The following SOS2 variants were observed in gnomAD, a reference collection of about 807,000 sequenced individuals.
The protein encoded by SOS2 is son of sevenless homolog 2.
SOS2 carries 65 observed loss-of-function variants against 148.2 expected under a neutral mutation model. The observed-to-expected ratio is 0.44, with a 90% CI of 0.36 to 0.54. The LOEUF is 0.54. Among genes scored for constraint, SOS2 ranks in the 20% least tolerant of loss-of-function variants. The pLI, the probability that SOS2 is intolerant of heterozygous loss-of-function variation, is 0.00. For missense variants in SOS2, 1,341 were observed against 1,590.2 expected, an observed-to-expected ratio of 0.84 and a Z score of 2.67; for synonymous variants, 539 against 537.1, an observed-to-expected ratio of 1.00 and a Z score of -0.05.
intron 4 of SOS2, among the ~76,000 whole-genome samples, chr14:50,198,366 A>AG (rs1426907989): frequency 1.3e-5 from 2 of 152,060 alleles, no homozygotes; most frequent in African/African-American, 4.8e-5. Flanking sequence ...AAAAAAAAAA[A>AG]AGTAGCCATA....
intron 1 of SOS2, among the ~76,000 whole-genome samples, chr14:50,213,998 G>A (rs886275986): frequency 6.6e-6 from 1 of 151,798 alleles, no homozygotes; most frequent in Non-Finnish European, 1.5e-5. Context: ...AGCAATATAA[G>A]CACTTTTTCT....
chr14:50,169,499 G>A lies in SOS2; in HGVS notation c.1068+4955C>T, dbSNP rs560128064. Among the ~76,000 whole-genome samples, 7 of 151,980 alleles carry A rather than the reference G, an allele frequency of 4.6e-5. No individual in the cohort carries two copies. The South Asian group carries it at 1.3e-3, about 27-fold the overall frequency. ...AAAAAAAAATAGAAAAATCAGCTGG[G>A]TGTGGTGGCGGTCACCTGTAATCTC... On this transcript the variant is annotated intron_variant, in intron 8 of 22. Coordinates refer to ENST00000216373, the MANE Select transcript of SOS2 (RefSeq NM_006939.4).
intron 1 of SOS2, among the ~76,000 whole-genome samples, chr14:50,220,017 C>A (rs552648986): frequency 6.6e-6 from 1 of 151,752 alleles, no homozygotes; most frequent in Non-Finnish European, 1.5e-5. Flanking sequence ...ACCACACCAG[C>A]TCCCATTTCT....
rs571268390 is a variant in SOS2 at position 50,156,877 on chromosome 14, T to G, written c.2057+122A>C. ...GCTGTGAAGTTAAAAATATTCCCTA[T>G]ATTTGAATTAAAAGCTGAGAGCTTT... is the stretch of plus-strand genomic sequence containing the variant. On this transcript the variant is annotated intron_variant, in intron 12 of 22. Transcript: ENST00000216373. The G allele has an allele frequency of 1.2e-5, 6 of 491,340 alleles. No homozygotes were observed. The South Asian group carries it at 2.4e-4, about 20-fold the overall frequency. The allele number at this position is 491,340 out of a possible 1,614,324, so 30.4% of individuals were successfully genotyped here. A position where few individuals can be genotyped will look rare whatever the true frequency, so the allele number is the denominator to read the frequency against.
intron 1 of SOS2, among the ~76,000 whole-genome samples, chr14:50,209,685 G>A (rs1886801658): frequency 6.6e-6 from 1 of 151,596 alleles, no homozygotes; most frequent in South Asian, 2.1e-4. Flanking sequence ...CCTGAACCCG[G>A]AGGTCGAGGC....
intron 4 of SOS2, among the ~76,000 whole-genome samples, chr14:50,196,873 C>CT (rs545859821): frequency 6.6e-6 from 1 of 151,844 alleles, no homozygotes; most frequent in South Asian, 2.1e-4. Context: ...ACAACCGGAA[C>CT]TTTTTTTTGT....
At chr14:50,169,100 T>TC (rs1885274331) in intron 8 of SOS2, among the ~76,000 whole-genome samples, 1 of 150,930 alleles carries the variant, frequency 6.6e-6, no homozygotes. Flanking sequence ...TCATTTGAGG[T>TC]CAGGAGTTTG....
intron 1 of SOS2, among the ~76,000 whole-genome samples, chr14:50,230,630 A>T (rs1390046979): frequency 6.6e-6 from 1 of 152,218 alleles, no homozygotes; most frequent in Non-Finnish European, 1.5e-5. Flanking sequence ...TCTTGTAAAC[A>T]GGTAAGACAC....
chr14:50,120,793 G>T (rs1883478270), intron 21 of SOS2, among the ~76,000 whole-genome samples: 1 of 134,436 alleles, frequency 7.4e-6, no homozygotes. Flanking sequence ...AGGCTGGAGT[G>T]CAATGGCACG....
At chr14:50,196,634 C>T (rs1381426936) in intron 4 of SOS2, among the ~76,000 whole-genome samples, 1 of 151,978 alleles carries the variant, frequency 6.6e-6, no homozygotes, top group Admixed American at 6.6e-5. Context: ...ATGTTCTCAC[C>T]ACAAAAAATA....
At chr14:50,118,969 A>C in intron 22 of SOS2, 116 bp from the exon 23 acceptor site, 1 of 582,904 alleles carries the variant, frequency 1.7e-6, no homozygotes, top group Non-Finnish European at 2.8e-6. Flanking sequence ...AAATAAACTA[A>C]TCTGGGTTAA....
chr14:50,153,286 A>C, intron 12 of SOS2, 113 bp from the exon 13 acceptor site: 1 of 595,346 alleles, frequency 1.7e-6, no homozygotes, highest in Non-Finnish European at 3.1e-6. Flanking sequence ...ATAATACTCA[A>C]AGACTCTCTA....
At chr14:50,137,158 T>G (rs1469938021) in intron 18 of SOS2, among the ~76,000 whole-genome samples, 1 of 152,192 alleles carries the variant, frequency 6.6e-6, no homozygotes, top group Non-Finnish European at 1.5e-5. Flanking sequence ...TCATTTAGCA[T>G]AAACATAATA....
chr14:50,157,872 G>A (rs2139621294), intron 11 of SOS2, among the ~76,000 whole-genome samples: 1 of 151,932 alleles, frequency 6.6e-6, no homozygotes, highest in Admixed American at 6.6e-5. Flanking sequence ...TATAATACTA[G>A]GTAAAACAAA....
rs773422408 is a variant in SOS2 at position 50,139,912 on chromosome 14, C to T, written c.2785+30G>A. On this transcript the variant is annotated intron_variant, in intron 17 of 22. Coordinates refer to ENST00000216373, the MANE Select transcript of SOS2 (RefSeq NM_006939.4). ...CTCTTTTGGCTATCACACGCTCACC[C>T]TCAAAATATATCCATATTTAGTAAC... The T allele has an allele frequency of 6.2e-6, 7 of 1,131,202 alleles. No individual in the cohort carries two copies. The South Asian group carries it at 9.0e-5, about 15-fold the overall frequency. The allele number at this position is 1,131,202 out of a possible 1,614,324, so 70.1% of individuals were successfully genotyped here.
intron 12 of SOS2, among the ~76,000 whole-genome samples, chr14:50,154,724 A>T (rs1022194432): frequency 6.6e-6 from 1 of 152,232 alleles, no homozygotes; most frequent in Non-Finnish European, 1.5e-5. Context: ...GCATTTATTA[A>T]GACTCTAAAA....
chr14:50,130,335 C>CA (rs1883827146), intron 20 of SOS2, among the ~76,000 whole-genome samples, 166 bp downstream of exon 20: 1 of 152,176 alleles, frequency 6.6e-6, no homozygotes, highest in Non-Finnish European at 1.5e-5. Context: ...CAACAATGCA[C>CA]AAATTATGCT....
Position 50,178,715 on chromosome 14 carries a change from CACATAT to C in SOS2, c.969+1851_969+1856del, listed in dbSNP as rs1566839755. ...ATATATATATATATATATATATACACACATATACACACACATATATATATATATATT... is the reference window on the plus strand; with the variant it reads ...ATATATATATATATATATATATACACACACACACATATATATATATATATT... On this transcript the variant is annotated intron_variant, in intron 7 of 22. Transcript: ENST00000216373. Among the ~76,000 whole-genome samples, 60 of 19,516 alleles carry C rather than the reference CACATAT, an allele frequency of 3.1e-3. No individual in the cohort carries two copies. In the Admixed American group the frequency reaches 0.038, roughly 12 times the overall value. The allele number at this position is 19,516 out of a possible 152,430, so 12.8% of individuals were successfully genotyped here. A position where few individuals can be genotyped will look rare whatever the true frequency, so the allele number is the denominator to read the frequency against.
At chr14:50,129,899 T>C (rs144433503) in intron 21 of SOS2, 62 bp downstream of exon 21, 39 of 1,014,652 alleles carry the variant, frequency 3.8e-5, no homozygotes, top group Non-Finnish European at 3.3e-5. Flanking sequence ...TACTCAAATA[T>C]AATCAACCAG....
Sources: gnomAD v4.1 joint callset for allele counts (sites outside exome capture counted in the v4.1 genomes callset) on GRCh38, gnomAD v4.1.1 for gene constraint, MANE v1.5 for transcripts, NCBI Gene and HGNC (gene_info 2026-07-23, HGNC 2026-07-21) for gene names.